AUH: variants seen among roughly 807,000 people sequenced by gnomAD.
AUH encodes AU RNA binding methylglutaconyl-CoA hydratase.
A neutral mutation model predicts 42.3 loss-of-function variants in AUH; 29 were observed. The ratio of observed to expected loss-of-function variants is 0.69; its 90% CI spans 0.51 to 0.93. The LOEUF (loss-of-function observed/expected upper bound fraction) is 0.93. Among genes scored for constraint, AUH ranks in the 40% least tolerant of loss-of-function variants. The probability of loss-of-function intolerance (pLI) is 0.00; values close to 1 mark genes in which losing one functional copy is unlikely to be tolerated. For synonymous variants in AUH, 174 were observed against 166.4 expected (o/e 1.05, Z -0.35); for missense variants, 452 against 438.1 (o/e 1.03, Z -0.28).
rs148160646 is a variant in AUH at position 91,215,948 on chromosome 9, T to C, written c.942+111A>G. 226 of 1,157,000 alleles carry C rather than the reference T, an allele frequency of 2.0e-4. 1 individual carries two copies. In the East Asian group the frequency reaches 5.2e-3, roughly 27 times the overall value. The allele number at this position is 1,157,000 out of a possible 1,614,324, so 71.7% of individuals were successfully genotyped here. ...CTAATTTCAACCCATTTGTATGATT[T>C]TGGAATGGGCGCAAGGGTAATCTTG... On this transcript the variant is annotated intron_variant, in intron 9 of 9. Transcript: ENST00000375731.
At chr9:91,240,025 T>C (rs1044368271) in intron 6 of AUH, among the ~76,000 whole-genome samples, 2 of 152,242 alleles carry the variant, frequency 1.3e-5, no homozygotes, top group Admixed American at 6.5e-5. Flanking sequence ...TCAACTATTA[T>C]GCCACACACT....
chr9:91,236,934 GA>G (rs201010157), intron 6 of AUH, among the ~76,000 whole-genome samples: 24 of 151,582 alleles, frequency 1.6e-4, no homozygotes, highest in African/African-American at 4.4e-4. Context: ...AAAATGGCAG[GA>G]AAAAAAACCC....
At chr9:91,267,237 TA>T (rs201448109) in intron 6 of AUH, among the ~76,000 whole-genome samples, 3 of 151,632 alleles carry the variant, frequency 2.0e-5, no homozygotes, top group East Asian at 1.9e-4. Context: ...ATAATGTCTT[TA>T]AAAAAAAACT....
At chr9:91,331,110 C>T (rs1000411743) in intron 3 of AUH, among the ~76,000 whole-genome samples, 19 of 152,106 alleles carry the variant, frequency 1.2e-4, no homozygotes, top group African/African-American at 4.3e-4. Flanking sequence ...CCAAACTCTT[C>T]AGAAGACCTG....
chr9:91,354,229 T>C (rs1368076986), intron 3 of AUH, among the ~76,000 whole-genome samples: 2 of 152,022 alleles, frequency 1.3e-5, no homozygotes, highest in South Asian at 2.1e-4. Flanking sequence ...TTCCATCATA[T>C]ACACTGAATT....
At position 91,279,682 on chromosome 9, in the gene AUH, A is replaced by C. The variant is rs1478902471; in HGVS notation, c.655+16339T>G. 2.0e-5 allele frequency among the ~76,000 whole-genome samples: 3 copies of C among 152,150 alleles called. No homozygotes were observed. The East Asian group carries it at 5.8e-4, about 29-fold the overall frequency. ...GGGACGGTGCAAAGCTGTTCATGGG[A>C]AATCTGCCCCAACGATCCAGTCACT... On this transcript the variant is annotated intron_variant, in intron 6 of 9. Transcript: ENST00000375731.
intron 4 of AUH, among the ~76,000 whole-genome samples, chr9:91,311,034 A>G (rs1828663134): frequency 6.6e-6 from 1 of 152,250 alleles, no homozygotes; most frequent in African/African-American, 2.4e-5. Flanking sequence ...TAAAATGAGA[A>G]GCACTGCTTG....
Position 91,282,754 on chromosome 9 carries a change from G to T in AUH, c.655+13267C>A, listed in dbSNP as rs543791662. 2.7e-4 allele frequency among the ~76,000 whole-genome samples: 41 copies of T among 152,128 alleles called. No individual in the cohort carries two copies. The East Asian group carries it at 2.7e-3, about 10-fold the overall frequency. ...CTGGACACATACACCCTCCCAAGAC[G>T]AAACCAGGAAGAAGCTGAATCCCTG... On this transcript the variant is annotated intron_variant, in intron 6 of 9. Coordinates refer to ENST00000375731, the MANE Select transcript of AUH (RefSeq NM_001698.3).
At chr9:91,326,094 C>T (rs1829951741) in intron 3 of AUH, among the ~76,000 whole-genome samples, 1 of 152,142 alleles carries the variant, frequency 6.6e-6, no homozygotes, top group Admixed American at 6.6e-5. Context: ...CAAAGAAGAT[C>T]TTTAGCAAAA....
Position 91,220,995 on chromosome 9 carries a change from G to A in AUH, c.656-3C>T. On this transcript the variant is annotated splice_polypyrimidine_tract_variant and splice_region_variant and intron_variant, in intron 6 of 9. Transcript: ENST00000375731. ...GCGTGGCAATCGCTGTGTCCCCCCT[G>A]AGGGGTGAAAGAGAGAGAAAAGGCA... is the stretch of plus-strand genomic sequence containing the variant. The A allele has an allele frequency of 6.2e-7, 1 of 1,614,114 alleles. No individual in the cohort carries two copies. The highest frequency in any genetic ancestry group is 8.5e-7 in the Non-Finnish European group (1 of 1,180,004).
At chr9:91,349,540 C>T (rs990995772) in intron 3 of AUH, among the ~76,000 whole-genome samples, 2 of 152,090 alleles carry the variant, frequency 1.3e-5, no homozygotes, top group African/African-American at 4.8e-5. Flanking sequence ...ACGCAGCAGC[C>T]CAATCAGACT....
chr9:91,323,362 C>T (rs967205750), intron 4 of AUH, among the ~76,000 whole-genome samples: 1 of 152,128 alleles, frequency 6.6e-6, no homozygotes, highest in African/African-American at 2.4e-5. Flanking sequence ...TGGTGGCTCC[C>T]ACCTGTAATC....
intron 1 of AUH, among the ~76,000 whole-genome samples, chr9:91,358,145 G>C (rs182331439): frequency 7.2e-5 from 11 of 152,348 alleles, no homozygotes; most frequent in Admixed American, 7.2e-4. Flanking sequence ...ATGATGCCTA[G>C]ACTGAGGACT....
chr9:91,343,534 AG>A (rs1564121029), intron 3 of AUH, among the ~76,000 whole-genome samples: 4 of 152,220 alleles, frequency 2.6e-5, no homozygotes, highest in African/African-American at 9.7e-5. Flanking sequence ...TGGGAGGCTG[AG>A]GCAGGCGGCC....
rs953120561 is a variant in AUH at position 91,267,229 on chromosome 9, A to G, written c.655+28792T>C. Among the ~76,000 whole-genome samples the G allele has an allele frequency of 4.6e-5, 7 of 152,178 alleles. No homozygotes were observed. The East Asian group carries it at 1.2e-3, about 25-fold the overall frequency. The stretch of plus-strand genomic sequence containing the variant: ...GCAGTCTTTAAAAGGTAACAAATAT[A>G]ATGTCTTTAAAAAAAAACTTTGCAA... On this transcript the variant is annotated intron_variant, in intron 6 of 9. Coordinates refer to ENST00000375731, the MANE Select transcript of AUH (RefSeq NM_001698.3).
intron 4 of AUH, among the ~76,000 whole-genome samples, chr9:91,320,286 G>A (rs1399805513): frequency 2.0e-5 from 3 of 152,078 alleles, no homozygotes; most frequent in South Asian, 2.1e-4. Context: ...AACTAAATAC[G>A]GCCTTAGAAA....
At chr9:91,333,943 T>C (rs1489095237) in intron 3 of AUH, among the ~76,000 whole-genome samples, 3 of 152,206 alleles carry the variant, frequency 2.0e-5, no homozygotes, top group Admixed American at 6.5e-5. Context: ...CTTTCCATTG[T>C]GGAAGAGGCA....
At chr9:91,217,916 C>G in intron 7 of AUH, among the ~76,000 whole-genome samples, 1 of 152,160 alleles carries the variant, frequency 6.6e-6, no homozygotes, top group East Asian at 1.9e-4. Context: ...AAGGAATGAA[C>G]TGGATATCTG....
At chr9:91,288,564 T>G (rs540216167) in intron 6 of AUH, among the ~76,000 whole-genome samples, 1 of 152,260 alleles carries the variant, frequency 6.6e-6, no homozygotes, top group Admixed American at 6.5e-5. Context: ...GTGTTTCACT[T>G]TGTGTTTAAT....
Sources: gnomAD v4.1 joint callset for allele counts (sites outside exome capture counted in the v4.1 genomes callset) on GRCh38, gnomAD v4.1.1 for gene constraint, MANE v1.5 for transcripts, NCBI Gene and HGNC (gene_info 2026-07-23, HGNC 2026-07-21) for gene names.